FGGY: variants seen among roughly 807,000 people sequenced by gnomAD.
The protein encoded by FGGY is FGGY carbohydrate kinase domain-containing protein.
FGGY carries 72 observed loss-of-function variants against 71.3 expected under a neutral mutation model. The ratio of observed to expected loss-of-function variants is 1.01; its 90% CI spans 0.84 to 1.23. The LOEUF is 1.23. Among genes scored for constraint, FGGY ranks in the 50% most tolerant of loss-of-function variants. The pLI is 0.00. For missense variants in FGGY, 668 were observed against 682.3 expected (o/e 0.98, Z 0.23); for synonymous variants, 251 against 250.3 (o/e 1.00, Z -0.02).
chr1:59,450,963 T>C (rs1386023728), intron 5 of FGGY, among the ~76,000 whole-genome samples: 2 of 152,124 alleles, frequency 1.3e-5, no homozygotes, highest in African/African-American at 2.4e-5. Context: ...AACCACAGTA[T>C]GATTAATCTT....
chr1:59,383,188 G>T (rs2059681704), intron 5 of FGGY, among the ~76,000 whole-genome samples: 1 of 152,162 alleles, frequency 6.6e-6, no homozygotes, highest in Non-Finnish European at 1.5e-5. Context: ...TTACCTGAAT[G>T]ATTTGTTCAA....
intron 14 of FGGY, among the ~76,000 whole-genome samples, chr1:59,676,324 C>T (rs1004630527): frequency 2.0e-5 from 3 of 152,006 alleles, no homozygotes; most frequent in African/African-American, 7.3e-5. Flanking sequence ...ATATCTTATC[C>T]TGTCATTCTT....
At chr1:59,300,048 T>G (rs2042525754) in intron 1 of FGGY, among the ~76,000 whole-genome samples, 1 of 152,226 alleles carries the variant, frequency 6.6e-6, no homozygotes, top group African/African-American at 2.4e-5. Flanking sequence ...GGAAATTAAT[T>G]ACTGACTGAA....
chr1:59,373,931 G>C (rs2058180179), intron 4 of FGGY, among the ~76,000 whole-genome samples: 1 of 152,150 alleles, frequency 6.6e-6, no homozygotes, highest in African/African-American at 2.4e-5. Context: ...TTAAACGTTA[G>C]ACCTAAAACC....
chr1:59,723,406 G>A (rs1013839848), intron 14 of FGGY, among the ~76,000 whole-genome samples: 1 of 151,926 alleles, frequency 6.6e-6, no homozygotes, highest in Non-Finnish European at 1.5e-5. Context: ...GAGAAATCTG[G>A]CTCCCACCAT....
At chr1:59,325,158 C>T (rs2047163610) in intron 2 of FGGY, among the ~76,000 whole-genome samples, 1 of 151,930 alleles carries the variant, frequency 6.6e-6, no homozygotes, top group Admixed American at 6.6e-5. Context: ...TTGAGACCAT[C>T]CTGGTTAACA....
Position 59,339,969 on chromosome 1 carries a change from AG to A in FGGY, c.216del (p.Ile73LeufsTer3), listed in dbSNP as rs762811097. The A allele has an allele frequency of 1.2e-6, 2 of 1,609,308 alleles. No individual in the cohort carries two copies. The highest frequency in any genetic ancestry group is 1.7e-6 in the Non-Finnish European group (2 of 1,176,422). ...CCVVTKKVVQ[G>X]IDLNQIRGLG... ...TGTTTTTAAAACAGAAAGTTGTACA[AG>A]GGATTGATTTAAACCAAATTCGAGG... On this transcript the variant is annotated frameshift_variant, in exon 3 of 16. Transcript: ENST00000303721. LOFTEE classifies it high-confidence loss of function.
chr1:59,370,804 T>C (rs7518724), intron 4 of FGGY, among the ~76,000 whole-genome samples: 47,133 of 148,828 alleles, frequency 0.32, 7,806 homozygotes, highest in East Asian at 0.41. Flanking sequence ...TCCAGCCAAA[T>C]TAAGCTTCAT....
intron 10 of FGGY, among the ~76,000 whole-genome samples, chr1:59,636,658 G>A (rs1219115319): frequency 1.3e-5 from 2 of 151,978 alleles, no homozygotes; most frequent in Admixed American, 6.6e-5. Flanking sequence ...AATAAGTAAA[G>A]GAGTTCTACT....
At chr1:59,343,575 C>T (rs1273690100) in intron 3 of FGGY, among the ~76,000 whole-genome samples, 1 of 152,178 alleles carries the variant, frequency 6.6e-6, no homozygotes, top group African/African-American at 2.4e-5. Context: ...ACTCTTTCTC[C>T]TGCAGACATA....
chr1:59,570,879 T>G (rs967592593), intron 8 of FGGY, among the ~76,000 whole-genome samples: 1 of 152,138 alleles, frequency 6.6e-6, no homozygotes, highest in African/African-American at 2.4e-5. Context: ...GGAGTGAGCT[T>G]CTTTTGTTTG....
chr1:59,596,551 G>A (rs547315707), intron 8 of FGGY, among the ~76,000 whole-genome samples: 2 of 151,932 alleles, frequency 1.3e-5, no homozygotes, highest in African/African-American at 4.8e-5. Context: ...GTAATCCCAG[G>A]AAGGAACTTG....
At chr1:59,372,589 T>G (rs1336606558) in intron 4 of FGGY, among the ~76,000 whole-genome samples, 1 of 152,158 alleles carries the variant, frequency 6.6e-6, no homozygotes, top group Non-Finnish European at 1.5e-5. Context: ...TACCAAAGCC[T>G]GGCAGAGACA....
chr1:59,475,784 G>C (rs955071829), intron 6 of FGGY, among the ~76,000 whole-genome samples: 1 of 152,174 alleles, frequency 6.6e-6, no homozygotes, highest in Non-Finnish European at 1.5e-5. Flanking sequence ...CTGGATTTGT[G>C]TGCTAGCCTC....
At chr1:59,684,170 A>G (rs550683977) in intron 14 of FGGY, among the ~76,000 whole-genome samples, 1 of 152,342 alleles carries the variant, frequency 6.6e-6, no homozygotes, top group South Asian at 2.1e-4. Flanking sequence ...TTCCCAGTCT[A>G]CTGGTGGCGG....
intron 13 of FGGY, among the ~76,000 whole-genome samples, chr1:59,670,168 C>A (rs2097365031): frequency 1.3e-5 from 2 of 152,226 alleles, no homozygotes. Context: ...GCTTTGGGTT[C>A]TGCTAAACTC....
chr1:59,448,647 T>TA (rs1297967146), intron 5 of FGGY, among the ~76,000 whole-genome samples: 2 of 152,158 alleles, frequency 1.3e-5, no homozygotes, highest in Admixed American at 1.3e-4. Context: ...TTCATTCACT[T>TA]AATTAACATG....
chr1:59,381,908 G>T (rs2059507298), intron 5 of FGGY, among the ~76,000 whole-genome samples: 3 of 152,108 alleles, frequency 2.0e-5, no homozygotes, highest in Admixed American at 2.0e-4. Context: ...TGAAATTGTG[G>T]CTACTATAAT....
intron 5 of FGGY, among the ~76,000 whole-genome samples, chr1:59,430,879 C>T (rs554934975): frequency 6.6e-6 from 1 of 152,222 alleles, no homozygotes; most frequent in Non-Finnish European, 1.5e-5. Context: ...GTAGCCCTAC[C>T]TGCTGACCCA....
Sources: allele counts gnomAD v4.1 joint callset (sites outside exome capture counted in the v4.1 genomes callset), GRCh38; gene constraint gnomAD v4.1.1; transcripts MANE v1.5; gene names NCBI Gene and HGNC (gene_info 2026-07-23, HGNC 2026-07-21).